Variants in MACROD2 observed in about 807,000 individuals in gnomAD.
MACROD2 encodes the protein ADP-ribose glycohydrolase MACROD2.
In MACROD2, 36 loss-of-function variants were observed where a neutral mutation model predicts 70.4. The ratio of observed to expected loss-of-function variants is 0.51; its 90% CI spans 0.39 to 0.68. The LOEUF (loss-of-function observed/expected upper bound fraction) is 0.68, where lower values mean the gene tolerates loss of function less well. Ranked by LOEUF, MACROD2 falls within the 30% of genes least tolerant of loss-of-function variation. The probability of loss-of-function intolerance (pLI) is 0.00; values close to 1 mark genes in which losing one functional copy is unlikely to be tolerated. For synonymous variants in MACROD2, 172 were observed against 178.8 expected (o/e 0.96, Z 0.30); for missense variants, 496 against 538.4 (o/e 0.92, Z 0.78).
In MACROD2 at chr20:15,841,373, A is replaced by G. The variant is rs139237474; in HGVS notation, c.646-21372A>G. ...AATACCTGAGACTGGGTAATTTAAA[A>G]GAAAAGAGGTTTACTTGGCTCAAAA... On this transcript the variant is annotated intron_variant, in intron 8 of 17. Coordinates refer to ENST00000684519, the MANE Select transcript of MACROD2 (RefSeq NM_001351661.2). 3.9e-4 allele frequency among the ~76,000 whole-genome samples: 60 copies of G among 152,324 alleles called. No individual in the cohort carries two copies. In the East Asian group the frequency reaches 0.011, roughly 29 times the overall value.
At chr20:15,655,150 A>G (rs1459261020) in intron 8 of MACROD2, among the ~76,000 whole-genome samples, 2 of 151,674 alleles carry the variant, frequency 1.3e-5, no homozygotes, top group Admixed American at 6.6e-5. Flanking sequence ...GTGTGTATGT[A>G]TGTGTGTGTG....
At chr20:16,035,655 T>C (rs2067224800) in intron 15 of MACROD2, among the ~76,000 whole-genome samples, 1 of 152,038 alleles carries the variant, frequency 6.6e-6, no homozygotes, top group Admixed American at 6.6e-5. Flanking sequence ...TAGTTAGCTA[T>C]CACCACAGTA....
At chr20:15,538,549 A>G (rs1205573786) in intron 8 of MACROD2, among the ~76,000 whole-genome samples, 1 of 152,070 alleles carries the variant, frequency 6.6e-6, no homozygotes, top group Non-Finnish European at 1.5e-5. Context: ...AACTGGTTCA[A>G]TCACAGTTTT....
chr20:15,342,796 G>A (rs185044109), intron 6 of MACROD2, among the ~76,000 whole-genome samples: 3 of 152,102 alleles, frequency 2.0e-5, no homozygotes, highest in Non-Finnish European at 4.4e-5. Flanking sequence ...TTCATTGGTG[G>A]TACGGGAATA....
chr20:14,906,453 C>T (rs1182194696), intron 5 of MACROD2, among the ~76,000 whole-genome samples: 2 of 152,224 alleles, frequency 1.3e-5, no homozygotes, highest in South Asian at 2.1e-4. Context: ...GAGATCGTGC[C>T]ACTGCACTCC....
rs142534836 is a variant in MACROD2, at chr20:14,845,646, G to A, written c.418+160687G>A. 4.3e-3 allele frequency among the ~76,000 whole-genome samples: 651 copies of A among 152,108 alleles called. 5 individuals are homozygous for A. The highest frequency in any genetic ancestry group is 0.02 in the Middle Eastern group (6 of 294). On this transcript the variant is annotated intron_variant, in intron 5 of 17. Coordinates refer to ENST00000684519, the MANE Select transcript of MACROD2 (RefSeq NM_001351661.2). Reference sequence around the variant, plus strand: ...TTTCTTGTACAGAATTCCTGGATATGTTTGATCATTAGTTAGGGCAAGTAG... The same window carrying A: ...TTTCTTGTACAGAATTCCTGGATATATTTGATCATTAGTTAGGGCAAGTAG...
intron 5 of MACROD2, among the ~76,000 whole-genome samples, chr20:14,740,751 A>T (rs1026036294): frequency 2.0e-5 from 3 of 152,164 alleles, no homozygotes; most frequent in Non-Finnish European, 4.4e-5. Context: ...TAAATGAAAG[A>T]TTAAAAAAAA....
chr20:15,003,926 G>C (rs1008797582), intron 5 of MACROD2, among the ~76,000 whole-genome samples: 1 of 151,932 alleles, frequency 6.6e-6, no homozygotes, highest in African/African-American at 2.4e-5. Context: ...TGACACCTGT[G>C]GTTCCATCTG....
At chr20:14,710,271 G>A (rs2071322474) in intron 5 of MACROD2, among the ~76,000 whole-genome samples, 1 of 152,204 alleles carries the variant, frequency 6.6e-6, no homozygotes, top group Non-Finnish European at 1.5e-5. Context: ...TACTTTGGGT[G>A]AGTGGTAAAG....
chr20:15,042,801 G>A (rs2075365830), intron 5 of MACROD2, among the ~76,000 whole-genome samples: 2 of 152,284 alleles, frequency 1.3e-5, no homozygotes, highest in East Asian at 3.9e-4. Flanking sequence ...TAGGCAAGAA[G>A]CCTAGATTGT....
At chr20:15,206,902 A>G (rs1223843791) in intron 5 of MACROD2, among the ~76,000 whole-genome samples, 5 of 144,284 alleles carry the variant, frequency 3.5e-5, no homozygotes, top group Non-Finnish European at 7.6e-5. Flanking sequence ...GCGCCCGGCT[A>G]ATTTTTTGTA....
chr20:14,559,294 A>AT (rs550342306), intron 4 of MACROD2, among the ~76,000 whole-genome samples: 85 of 151,798 alleles, frequency 5.6e-4, no homozygotes, highest in African/African-American at 2.0e-3. Context: ...TTAGCAGTGT[A>AT]TTTTTTTAAA....
At chr20:15,844,166 G>A (rs1297686045) in intron 8 of MACROD2, among the ~76,000 whole-genome samples, 1 of 151,992 alleles carries the variant, frequency 6.6e-6, no homozygotes, top group Non-Finnish European at 1.5e-5. Flanking sequence ...GGGACTGACA[G>A]AATCACTCAA....
rs200771574 is a variant in MACROD2 at position 14,350,038 on chromosome 20, T to C, written c.272-143441T>C. ...TGCTGGGATTACAGGCGTGAGCCAC[T>C]GTGCCTGGCCATCTTATTCTTTTTT... On this transcript the variant is annotated intron_variant, in intron 3 of 17. Transcript: ENST00000684519. Among the ~76,000 whole-genome samples, 25 of 152,114 alleles carry C rather than the reference T, an allele frequency of 1.6e-4. No individual in the cohort carries two copies. The East Asian group carries it at 4.6e-3, about 28-fold the overall frequency.
intron 7 of MACROD2, among the ~76,000 whole-genome samples, chr20:15,481,493 A>G (rs1477654787): frequency 4.6e-5 from 7 of 152,180 alleles, no homozygotes; most frequent in Admixed American, 4.6e-4. Flanking sequence ...TATGTATATG[A>G]TATATATGTT....
chr20:15,776,606 C>T (rs1478189650), intron 8 of MACROD2, among the ~76,000 whole-genome samples: 1 of 152,156 alleles, frequency 6.6e-6, no homozygotes, highest in Non-Finnish European at 1.5e-5. Flanking sequence ...AGCTGTTAGG[C>T]TGTGCTGATA....
At chr20:14,274,677 T>C (rs1314689679) in intron 3 of MACROD2, among the ~76,000 whole-genome samples, 1 of 152,150 alleles carries the variant, frequency 6.6e-6, no homozygotes, top group Non-Finnish European at 1.5e-5. Flanking sequence ...AAATAAAGTG[T>C]ATTCAATTAG....
Position 14,178,726 on chromosome 20 carries a change from C to CTT in MACROD2, c.271+93020_271+93021dup, listed in dbSNP as rs79773305. Among the ~76,000 whole-genome samples, 535 of 102,850 alleles carry CTT rather than the reference C, an allele frequency of 5.2e-3. 4 individuals are homozygous for CTT. The highest frequency in any genetic ancestry group is 7.5e-3 in the African/African-American group (201 of 26,658). 67.5% of individuals were successfully genotyped at this position (102,850 alleles called of 152,430 possible). Reference sequence around the variant, plus strand: ...AAATAATTGAAATCAGCCAAGTCAGCTTTTTTTTTTTTTTTTTTTTTTTGA... The same window carrying CTT: ...AAATAATTGAAATCAGCCAAGTCAGCTTTTTTTTTTTTTTTTTTTTTTTTTGA... On this transcript the variant is annotated intron_variant, in intron 3 of 17. Transcript: ENST00000684519.
chr20:15,685,870 T>C (rs1432565845), intron 8 of MACROD2, among the ~76,000 whole-genome samples: 1 of 152,252 alleles, frequency 6.6e-6, no homozygotes, highest in Non-Finnish European at 1.5e-5. Context: ...GTCAGTTTGC[T>C]ACTCGATATT....
Sources: allele counts gnomAD v4.1 joint callset (sites outside exome capture counted in the v4.1 genomes callset), GRCh38; gene constraint gnomAD v4.1.1; transcripts MANE v1.5; gene names NCBI Gene and HGNC (gene_info 2026-07-23, HGNC 2026-07-21).